Variants in PXT1 observed in about 807,000 individuals in gnomAD.
PXT1 encodes the protein peroxisomal testis-specific protein 1.
A neutral mutation model predicts 11.0 loss-of-function variants in PXT1; 11 were observed. That is an observed-to-expected ratio of 1.00 (90% confidence interval 0.63 to 1.66). PXT1 has a LOEUF of 1.66. Ranked by LOEUF, PXT1 falls within the 40% of genes most tolerant of loss-of-function variation. The probability of loss-of-function intolerance (pLI) is 0.00; values close to 1 mark genes in which losing one functional copy is unlikely to be tolerated. For missense variants in PXT1, 141 were observed against 155.5 expected (o/e 0.91, Z 0.49); for synonymous variants, 43 against 51.4 (o/e 0.84, Z 0.70).
intron 3 of PXT1, among the ~76,000 whole-genome samples, chr6:36,408,682 A>T (rs1161795102): frequency 6.8e-6 from 1 of 147,582 alleles, no homozygotes; most frequent in Non-Finnish European, 1.5e-5. Context: ...CCTAGGCAAC[A>T]CAGGGAGAGC....
rs962473065 is a variant in PXT1 at position 36,391,494 on chromosome 6, C to T, written c.*276G>A. ...CAAGGAGCCCTGGGACCATCCACAG[C>T]GCTGGTGTTTTCTGGGCAGCAAGGC... On this transcript the variant is annotated 3_prime_UTR_variant, in exon 5 of 5. Coordinates refer to ENST00000454782, the MANE Select transcript of PXT1 (RefSeq NM_152990.4). 17 of 421,796 alleles carry T rather than the reference C, an allele frequency of 4.0e-5. No homozygotes were observed. The highest frequency in any genetic ancestry group is 6.1e-5 in the African/African-American group (3 of 48,826). 26.1% of individuals were successfully genotyped at this position (421,796 alleles called of 1,614,324 possible). A position where few individuals can be genotyped will look rare whatever the true frequency, so the allele number is the denominator to read the frequency against.
In PXT1 at chr6:36,391,771, T is replaced by C; in HGVS notation, c.404A>G (p.Ter135=). 6.2e-7 allele frequency: 1 copy of C among 1,606,190 alleles called. No individual in the cohort carries two copies. Among genetic ancestry groups the C allele is most frequent in the Non-Finnish European group, 8.5e-7 (1 of 1,173,326 alleles). Residue 135 remains the stop codon, a stop_retained_variant, in exon 5 of 5, where the codon TAA becomes TGA. Transcript: ENST00000454782. ...GACCACTTGACCTTTACTTTCCTTT[T>C]ACAGCAAATGGTTGTTCCAGAAAAA... ...LHFFWNNHLL[*]
chr6:36,421,365 G>A (rs1332076130), intron 3 of PXT1, among the ~76,000 whole-genome samples: 1 of 152,036 alleles, frequency 6.6e-6, no homozygotes, highest in Non-Finnish European at 1.5e-5. Flanking sequence ...GGAGGCTGAG[G>A]CAGGAAGACC....
intron 2 of PXT1, among the ~76,000 whole-genome samples, chr6:36,435,197 G>C (rs1774744442): frequency 6.6e-6 from 1 of 152,168 alleles, no homozygotes; most frequent in African/African-American, 2.4e-5. Context: ...CCCAGCATTT[G>C]GGAGGCTGAG....
chr6:36,402,935 T>TTTTC (rs1247621251), intron 3 of PXT1, among the ~76,000 whole-genome samples: 1 of 139,746 alleles, frequency 7.2e-6, no homozygotes, highest in Non-Finnish European at 1.5e-5. Flanking sequence ...TTTATTTTTC[T>TTTTC]TTTCTTTCTT....
intron 3 of PXT1, among the ~76,000 whole-genome samples, chr6:36,405,143 T>C (rs866199432): frequency 6.6e-6 from 1 of 152,244 alleles, no homozygotes; most frequent in Non-Finnish European, 1.5e-5. Flanking sequence ...TGTGTAGGCC[T>C]AGGCTAATAT....
intron 3 of PXT1, among the ~76,000 whole-genome samples, chr6:36,413,403 C>G (rs997430581): frequency 6.9e-6 from 1 of 144,794 alleles, no homozygotes; most frequent in East Asian, 2.0e-4. Context: ...GGTGACAGAG[C>G]GAGACTCCAT....
chr6:36,410,711 C>T (rs779965952), intron 3 of PXT1, among the ~76,000 whole-genome samples: 1 of 152,168 alleles, frequency 6.6e-6, no homozygotes, highest in Non-Finnish European at 1.5e-5. Flanking sequence ...TCTTGATGGA[C>T]GTTGGCACCT....
At chr6:36,432,856 T>G (rs1774711647) in intron 2 of PXT1, among the ~76,000 whole-genome samples, 1 of 151,390 alleles carries the variant, frequency 6.6e-6, no homozygotes. Context: ...GACATATTAC[T>G]GAAAAGAAAA....
chr6:36,432,250 G>C (rs1289164020), intron 2 of PXT1, among the ~76,000 whole-genome samples: 2 of 152,064 alleles, frequency 1.3e-5, no homozygotes, highest in African/African-American at 4.8e-5. Context: ...GAGGGAAAAA[G>C]AATGTCCGGG....
chr6:36,400,499 C>T lies in PXT1; in HGVS notation c.255G>A (p.Gln85=), dbSNP rs62403732. ...QEEIIHKLAM[Q]LRHIGDNIDH... is the part of the protein sequence containing the mutation. ...CAATGTTGTCCCCAATGTGTCTCAG[C>T]TGCATGGCCAACTTGTGAATTATTT... is the stretch of plus-strand genomic sequence containing the variant. The change falls in exon 4 of 5, where the codon CAG becomes CAA. Residue 85 remains glutamine (Q), a synonymous_variant. Transcript: ENST00000454782. The T allele has an allele frequency of 0.025, 39,919 of 1,613,908 alleles. 550 individuals carry two copies. The highest frequency in any genetic ancestry group is 0.029 in the Non-Finnish European group (33,943 of 1,179,844).
Position 36,395,493 on chromosome 6 carries a change from A to ATTTTT in PXT1, c.301-3624_301-3620dup, listed in dbSNP as rs148553371. ...TCAGCATTTCAGAGCCAAACTTAGG[A>ATTTTT]TTTTTTTTTTTTTTTTTTTTTTTTT... On this transcript the variant is annotated intron_variant, in intron 4 of 4. Transcript: ENST00000454782. Among the ~76,000 whole-genome samples the ATTTTT allele has an allele frequency of 8.2e-4, 60 of 73,348 alleles. 5 individuals are homozygous for ATTTTT. Among genetic ancestry groups the ATTTTT allele is most frequent in the East Asian group, 3.2e-3 (6 of 1,852 alleles). 48.1% of individuals were successfully genotyped at this position (73,348 alleles called of 152,430 possible). A position where few individuals can be genotyped will look rare whatever the true frequency, so the allele number is the denominator to read the frequency against.
At chr6:36,405,529 C>A (rs962228672) in intron 3 of PXT1, among the ~76,000 whole-genome samples, 1 of 152,158 alleles carries the variant, frequency 6.6e-6, no homozygotes. Flanking sequence ...CAGGCACGTG[C>A]CACCACGCCT....
intron 3 of PXT1, among the ~76,000 whole-genome samples, chr6:36,402,693 TGACA>T (rs1774230659): frequency 2.0e-5 from 3 of 151,884 alleles, no homozygotes; most frequent in Admixed American, 1.3e-4. Flanking sequence ...AGCTTGGGGG[TGACA>T]GACAGGGAGG....
intron 3 of PXT1, among the ~76,000 whole-genome samples, chr6:36,420,564 G>C (rs190114176): frequency 6.6e-6 from 1 of 152,262 alleles, no homozygotes; most frequent in East Asian, 1.9e-4. Flanking sequence ...GGAACTGGGG[G>C]AGTGAGAACT....
At chr6:36,433,328 A>T (rs879621243) in intron 2 of PXT1, among the ~76,000 whole-genome samples, 2 of 152,216 alleles carry the variant, frequency 1.3e-5, no homozygotes, top group Non-Finnish European at 2.9e-5. Context: ...TACTATAATT[A>T]GAAATCTGTA....
At chr6:36,400,335 G>T in intron 4 of PXT1, 119 bp downstream of exon 4, 1 of 1,223,994 alleles carries the variant, frequency 8.2e-7, no homozygotes, top group Non-Finnish European at 1.2e-6. Context: ...TGGTAATCCA[G>T]ACAGCATTAT....
intron 1 of PXT1, among the ~76,000 whole-genome samples, chr6:36,440,898 T>C (rs1774849039): frequency 1.3e-5 from 2 of 152,084 alleles, no homozygotes; most frequent in African/African-American, 2.4e-5. Flanking sequence ...ATTTCCAAAA[T>C]GAAAGTGTTT....
intron 3 of PXT1, among the ~76,000 whole-genome samples, chr6:36,401,451 C>T (rs1356049946): frequency 1.3e-5 from 2 of 151,996 alleles, no homozygotes; most frequent in African/African-American, 2.4e-5. Context: ...CTTGTCTCTA[C>T]AGAAAATTTA....
Sources: allele counts gnomAD v4.1 joint callset (sites outside exome capture counted in the v4.1 genomes callset), GRCh38; gene constraint gnomAD v4.1.1; transcripts MANE v1.5; gene names NCBI Gene and HGNC (gene_info 2026-07-23, HGNC 2026-07-21).